The following NRG3 variants were observed in gnomAD, a reference collection of about 807,000 sequenced individuals.
NRG3 encodes pro-neuregulin-3, membrane-bound isoform.
In NRG3, 31 loss-of-function variants were observed where a neutral mutation model predicts 66.9. The ratio of observed to expected loss-of-function variants is 0.46; its 90% CI spans 0.35 to 0.63. The LOEUF is 0.63. Among genes scored for constraint, NRG3 ranks in the 20% least tolerant of loss-of-function variants. NRG3 has a pLI of 0.00. For synonymous variants in NRG3, 393 were observed against 359.4 expected (o/e 1.09, Z -1.06); for missense variants, 910 against 878.9 (o/e 1.04, Z -0.45).
chr10:82,411,757 T>C (rs1223672126), intron 2 of NRG3, among the ~76,000 whole-genome samples: 2 of 152,156 alleles, frequency 1.3e-5, no homozygotes, highest in African/African-American at 4.8e-5. Context: ...CAACTGTGGC[T>C]TCTGACAATT....
chr10:82,746,190 C>T lies in NRG3; in HGVS notation c.1027+7540C>T, dbSNP rs2058638033. On this transcript the variant is annotated intron_variant, in intron 3 of 8. Transcript: ENST00000372141. ...TACAGGCTTGAGCCACTGTGCCAGA[C>T]TTGTATTTGGTTTTAACCATTATGT... is the stretch of plus-strand genomic sequence containing the variant. Among the ~76,000 whole-genome samples the T allele has an allele frequency of 2.6e-5, 4 of 152,168 alleles. No homozygotes were observed. In the South Asian group the frequency reaches 8.3e-4, roughly 31 times the overall value.
At chr10:82,877,073 T>G (rs1409135536) in intron 4 of NRG3, among the ~76,000 whole-genome samples, 2 of 151,198 alleles carry the variant, frequency 1.3e-5, no homozygotes, top group African/African-American at 4.8e-5. Flanking sequence ...ATCAGAGAAG[T>G]TAAAAAATTG....
At chr10:82,284,227 G>A (rs1175372332) in intron 1 of NRG3, among the ~76,000 whole-genome samples, 3 of 152,222 alleles carry the variant, frequency 2.0e-5, no homozygotes, top group African/African-American at 7.2e-5. Context: ...GCTAATGCCA[G>A]CAAGCCCTTT....
In NRG3 at chr10:82,186,584, CAATT is replaced by C. The variant is rs550934465; in HGVS notation, c.824-172152_824-172149del. ...ATGCAAACAAAGTGGACCTTAATGG[CAATT>C]AAATCCCAACCCCTCATTGTACAGA... On this transcript the variant is annotated intron_variant, in intron 1 of 8. Transcript: ENST00000372141. Among the ~76,000 whole-genome samples the C allele has an allele frequency of 9.9e-5, 15 of 152,238 alleles. No homozygotes were observed. The East Asian group carries it at 2.7e-3, about 27-fold the overall frequency.
intron 2 of NRG3, among the ~76,000 whole-genome samples, chr10:82,569,518 C>A (rs2045604597): frequency 6.6e-6 from 1 of 151,624 alleles, no homozygotes; most frequent in South Asian, 2.1e-4. Flanking sequence ...TCTGATGTAC[C>A]AAAGCTAAAC....
At chr10:82,815,153 A>G (rs1234973281) in intron 3 of NRG3, among the ~76,000 whole-genome samples, 1 of 152,130 alleles carries the variant, frequency 6.6e-6, no homozygotes, top group African/African-American at 2.4e-5. Flanking sequence ...CTAGGAAATA[A>G]TTTTTTAAAA....
intron 2 of NRG3, among the ~76,000 whole-genome samples, chr10:82,447,726 A>G (rs1160472822): frequency 1.3e-5 from 2 of 152,226 alleles, no homozygotes; most frequent in Admixed American, 6.5e-5. Context: ...TTGCAAAAGT[A>G]TTACTGAACT....
chr10:82,827,204 TAAAAAAA>T lies in NRG3; in HGVS notation c.1028-38185_1028-38179del, dbSNP rs5786573. On this transcript the variant is annotated intron_variant, in intron 3 of 8. Transcript: ENST00000372141. Reference sequence around the variant, plus strand: ...TGTGAGACTTTTTGTTACCAAATTGTAAAAAAAAAAAAAAAAAAAAAAAAAAAATCAT... The same window carrying T: ...TGTGAGACTTTTTGTTACCAAATTGTAAAAAAAAAAAAAAAAAAAAATCAT... The T allele has an allele frequency of 2.6e-3, 509 of 193,154 alleles. 1 individual carries two copies. The highest frequency in any genetic ancestry group is 0.014 in the African/African-American group (409 of 28,804). The allele number at this position is 193,154 out of a possible 1,614,324, so 12.0% of individuals were successfully genotyped here.
chr10:82,708,166 T>C (rs1302582847), intron 2 of NRG3, among the ~76,000 whole-genome samples: 1 of 152,214 alleles, frequency 6.6e-6, no homozygotes, highest in Non-Finnish European at 1.5e-5. Flanking sequence ...TGCTATTTTT[T>C]CCGTTTATTT....
At chr10:82,971,488 G>A (rs923841146) in intron 6 of NRG3, among the ~76,000 whole-genome samples, 1 of 147,058 alleles carries the variant, frequency 6.8e-6, no homozygotes, top group East Asian at 2.0e-4. Flanking sequence ...CCAGGCTGGA[G>A]TACAGTGGCA....
At chr10:82,048,188 A>G (rs1232503907) in intron 1 of NRG3, among the ~76,000 whole-genome samples, 1 of 152,130 alleles carries the variant, frequency 6.6e-6, no homozygotes, top group Non-Finnish European at 1.5e-5. Flanking sequence ...TAGACAGATC[A>G]ACGAGACAGA....
rs74715851 is a variant in NRG3, at chr10:82,975,827, T to C, written c.1412+1912T>C. On this transcript the variant is annotated intron_variant, in intron 7 of 8. Coordinates refer to ENST00000372141, the MANE Select transcript of NRG3 (RefSeq NM_001010848.4). ...AAGACAGGTCACTAGTTCATACTGA[T>C]ATACTTTGTTGTTATGACAGTTTAG... Among the ~76,000 whole-genome samples, 504 of 152,292 alleles carry C rather than the reference T, an allele frequency of 3.3e-3. 1 individual carries two copies. The highest frequency in any genetic ancestry group is 0.012 in the African/African-American group (484 of 41,558).
intron 1 of NRG3, among the ~76,000 whole-genome samples, chr10:81,923,214 C>T (rs1382379002): frequency 5.3e-5 from 8 of 152,136 alleles, no homozygotes; most frequent in African/African-American, 1.9e-4. Flanking sequence ...GATCAGACTA[C>T]CTACCTGTGG....
chr10:82,028,841 G>A (rs141111258), intron 1 of NRG3, among the ~76,000 whole-genome samples: 18 of 152,056 alleles, frequency 1.2e-4, no homozygotes, highest in Non-Finnish European at 2.5e-4. Context: ...TTTATGTGGA[G>A]CTCACTCACA....
chr10:82,687,617 A>T (rs2054612037), intron 2 of NRG3, among the ~76,000 whole-genome samples: 1 of 152,058 alleles, frequency 6.6e-6, no homozygotes, highest in East Asian at 1.9e-4. Context: ...GCATATAGGG[A>T]TATTAGGAGC....
At chr10:82,712,220 A>G (rs181425493) in intron 2 of NRG3, among the ~76,000 whole-genome samples, 1 of 152,342 alleles carries the variant, frequency 6.6e-6, no homozygotes, top group Non-Finnish European at 1.5e-5. Flanking sequence ...TCTATAAAGC[A>G]AGATTAATAA....
At chr10:82,073,027 G>T (rs2064892799) in intron 1 of NRG3, among the ~76,000 whole-genome samples, 1 of 151,762 alleles carries the variant, frequency 6.6e-6, no homozygotes, top group Admixed American at 6.6e-5. Context: ...CACTCACTTT[G>T]TCCTCCCAAA....
chr10:82,436,822 T>A (rs138478020), intron 2 of NRG3, among the ~76,000 whole-genome samples: 3 of 152,214 alleles, frequency 2.0e-5, no homozygotes, highest in African/African-American at 7.2e-5. Flanking sequence ...TATGAAATTC[T>A]GGGTTGAAAA....
At chr10:82,267,992 T>A (rs974704069) in intron 1 of NRG3, among the ~76,000 whole-genome samples, 4 of 152,082 alleles carry the variant, frequency 2.6e-5, no homozygotes, top group Non-Finnish European at 5.9e-5. Context: ...AACGCAATTT[T>A]GGAGAAAAGA....
Sources: gnomAD v4.1 joint callset for allele counts (sites outside exome capture counted in the v4.1 genomes callset) on GRCh38, gnomAD v4.1.1 for gene constraint, MANE v1.5 for transcripts, NCBI Gene and HGNC (gene_info 2026-07-23, HGNC 2026-07-21) for gene names.